The following ZSWIM5 variants were observed in gnomAD, a reference collection of about 807,000 sequenced individuals.
ZSWIM5 encodes the protein zinc finger SWIM-type containing 5, also known as zinc finger SWIM domain-containing protein 5.
A neutral mutation model predicts 119.6 loss-of-function variants in ZSWIM5; 55 were observed. The observed-to-expected ratio is 0.46, with a 90% CI of 0.37 to 0.58. ZSWIM5 has a LOEUF of 0.58. ZSWIM5 is among the 20% of genes least tolerant of loss of function. The pLI is 0.00. For synonymous variants in ZSWIM5, 537 were observed against 606.9 expected (o/e 0.88, Z 1.69); for missense variants, 1,193 against 1,512.8 (o/e 0.79, Z 3.51).
intron 1 of ZSWIM5, among the ~76,000 whole-genome samples, chr1:45,179,035 T>A (rs1645998483): frequency 6.6e-6 from 1 of 151,832 alleles, no homozygotes; most frequent in South Asian, 2.1e-4. Context: ...AATTAAAAAA[T>A]GAAATAAAGG....
chr1:45,088,019 G>C lies in ZSWIM5; in HGVS notation c.814C>G (p.Leu272Val). The change falls in exon 2 of 14, where the codon CTT (leucine) becomes GTT (valine). Residue 272 changes from leucine (L) to valine (V), a missense_variant. Physicochemically the swap from Leu to Val is conservative, Grantham distance 32 (BLOSUM62 1). Coordinates refer to ENST00000359600, the MANE Select transcript of ZSWIM5 (RefSeq NM_020883.2). This position sits in a 1 kb window ranked among gnomAD's most constrained non-coding sequence, Gnocchi z 4.2. ...AGCTGGTCCCTATTCATCTGGAAAA[G>C]GGTTTCGGAGATAGGAAGACGCAAT... ...VKLRLPISETLFQMNRDQLQK... is the reference protein window; with the variant it reads ...VKLRLPISETVFQMNRDQLQK... The C allele has an allele frequency of 1.2e-6, 2 of 1,614,192 alleles. No homozygotes were observed. Among genetic ancestry groups the C allele is most frequent in the Non-Finnish European group, 1.7e-6 (2 of 1,180,032 alleles).
rs183050013 is a variant in ZSWIM5 at position 45,174,329 on chromosome 1, A to G, written c.595+31427T>C. On this transcript the variant is annotated intron_variant, in intron 1 of 13. Coordinates refer to ENST00000359600, the MANE Select transcript of ZSWIM5 (RefSeq NM_020883.2). Reference sequence around the variant, plus strand: ...TAAAACATTCAAAAGTGATCTTTTAATAAAAATAATTGGAGATTTTTAATG... The same window carrying G: ...TAAAACATTCAAAAGTGATCTTTTAGTAAAAATAATTGGAGATTTTTAATG... Among the ~76,000 whole-genome samples the G allele has an allele frequency of 3.0e-3, 463 of 152,208 alleles. 3 individuals are homozygous for G. The highest frequency in any genetic ancestry group is 0.011 in the African/African-American group (442 of 41,542).
In ZSWIM5 at chr1:45,043,218, C is replaced by A; in HGVS notation, c.1609+1G>T. ...AGTTCTTAGAGGAGGGCTAGACTTA[C>A]CAAGCCACAGTGGCTGGCCTTGGGA... On this transcript the variant is annotated splice_donor_variant, in intron 6 of 13. Coordinates refer to ENST00000359600, the MANE Select transcript of ZSWIM5 (RefSeq NM_020883.2). LOFTEE classifies it high-confidence loss of function. 1 of 1,613,128 alleles carries A rather than the reference C, an allele frequency of 6.2e-7. No individual in the cohort carries two copies. The highest frequency in any genetic ancestry group is 8.5e-7 in the Non-Finnish European group (1 of 1,179,862).
chr1:45,138,898 T>C (rs1280826230), intron 1 of ZSWIM5, among the ~76,000 whole-genome samples: 4 of 150,938 alleles, frequency 2.7e-5, no homozygotes, highest in African/African-American at 9.7e-5. Context: ...CTTTTTCTTT[T>C]TTTTTTTTTT....
At chr1:45,071,454 C>CTTTTTT (rs58028758) in intron 2 of ZSWIM5, among the ~76,000 whole-genome samples, 16,181 of 93,386 alleles carry the variant, frequency 0.17, 2,848 homozygotes, top group African/African-American at 0.29. Flanking sequence ...GACAGAATCT[C>CTTTTTT]TTTTTTTTTT....
intron 1 of ZSWIM5, among the ~76,000 whole-genome samples, chr1:45,139,776 T>G (rs528418204): frequency 6.8e-6 from 1 of 147,580 alleles, no homozygotes; most frequent in Admixed American, 6.9e-5. Flanking sequence ...TGAACTCAAG[T>G]GATCCTCCCA....
intron 2 of ZSWIM5, among the ~76,000 whole-genome samples, chr1:45,068,579 T>G (rs942324260): frequency 6.6e-6 from 1 of 152,094 alleles, no homozygotes; most frequent in Non-Finnish European, 1.5e-5. Flanking sequence ...CATGAAGGTG[T>G]TCTCTTATCT....
intron 3 of ZSWIM5, 45 bp downstream of exon 3, chr1:45,060,054 C>T (rs769505628): frequency 1.4e-5 from 22 of 1,608,532 alleles, no homozygotes; most frequent in Non-Finnish European, 1.9e-5. Context: ...CTGACTTAAG[C>T]TTCTTTTGTC....
intron 11 of ZSWIM5, among the ~76,000 whole-genome samples, chr1:45,028,603 A>C (rs1644933757): frequency 6.6e-6 from 1 of 151,884 alleles, no homozygotes; most frequent in East Asian, 1.9e-4. Flanking sequence ...TAAAAATACA[A>C]AAATTAGCTG....
chr1:45,111,037 T>A (rs959741490), intron 1 of ZSWIM5, among the ~76,000 whole-genome samples: 4 of 152,170 alleles, frequency 2.6e-5, no homozygotes, highest in Non-Finnish European at 5.9e-5. Flanking sequence ...TGTTGTCTAG[T>A]GGGAGAGACA....
rs368950305 is a variant in ZSWIM5 at position 45,041,606 on chromosome 1, C to T, written c.1610-1068G>A. ...GACTGGAGTACAGTGGTGTGATCTCCGCTCACTGCAACCTCCGCCTCCCAG... is the reference window on the plus strand; with the variant it reads ...GACTGGAGTACAGTGGTGTGATCTCTGCTCACTGCAACCTCCGCCTCCCAG... On this transcript the variant is annotated intron_variant, in intron 6 of 13. Coordinates refer to ENST00000359600, the MANE Select transcript of ZSWIM5 (RefSeq NM_020883.2). Among the ~76,000 whole-genome samples, 7 of 149,384 alleles carry T rather than the reference C, an allele frequency of 4.7e-5. No homozygotes were observed. The South Asian group carries it at 1.1e-3, about 22-fold the overall frequency.
At chr1:45,113,314 TAAAGG>T (rs1645529134) in intron 1 of ZSWIM5, among the ~76,000 whole-genome samples, 1 of 152,138 alleles carries the variant, frequency 6.6e-6, no homozygotes, top group South Asian at 2.1e-4. Flanking sequence ...GATGAGATTA[TAAAGG>T]AAACAGGTAA....
intron 1 of ZSWIM5, among the ~76,000 whole-genome samples, chr1:45,089,892 T>A (rs1645354405): frequency 1.3e-5 from 2 of 152,234 alleles, no homozygotes; most frequent in South Asian, 4.1e-4. Flanking sequence ...TACAATATGA[T>A]GTGCCAAATG....
At chr1:45,055,427 T>A (rs1359179301) in intron 4 of ZSWIM5, among the ~76,000 whole-genome samples, 2 of 152,100 alleles carry the variant, frequency 1.3e-5, no homozygotes, top group African/African-American at 4.8e-5. Context: ...TGCCTGGCCA[T>A]TGAGCAACAA....
intron 1 of ZSWIM5, among the ~76,000 whole-genome samples, chr1:45,146,720 T>C (rs1192460464): frequency 1.3e-5 from 2 of 150,980 alleles, no homozygotes; most frequent in Admixed American, 6.6e-5. Context: ...CCAGACTTTA[T>C]AGACTACACA....
intron 2 of ZSWIM5, among the ~76,000 whole-genome samples, chr1:45,066,564 A>G (rs1291314692): frequency 1.3e-5 from 2 of 152,260 alleles, no homozygotes; most frequent in Non-Finnish European, 2.9e-5. Flanking sequence ...ACATTATGTC[A>G]TAAATTGGTA....
intron 11 of ZSWIM5, among the ~76,000 whole-genome samples, chr1:45,027,543 C>A (rs1294585470): frequency 6.6e-6 from 1 of 150,728 alleles, no homozygotes; most frequent in Non-Finnish European, 1.5e-5. Context: ...ATTACAGGCG[C>A]CTGCCACCAT....
chr1:45,054,563 C>T (rs1008229637), intron 4 of ZSWIM5, among the ~76,000 whole-genome samples: 2 of 152,040 alleles, frequency 1.3e-5, no homozygotes, highest in Non-Finnish European at 2.9e-5. Flanking sequence ...GACTGGGCAA[C>T]AGAGTGAGAC....
At chr1:45,195,986 G>A (rs1646119731) in intron 1 of ZSWIM5, among the ~76,000 whole-genome samples, 1 of 146,384 alleles carries the variant, frequency 6.8e-6, no homozygotes, top group African/African-American at 2.5e-5. Context: ...TCCCACCTCA[G>A]CCTCCCAAGT....
Sources: gnomAD v4.1 joint callset for allele counts (sites outside exome capture counted in the v4.1 genomes callset) on GRCh38, gnomAD v4.1.1 for gene constraint, Gnocchi (gnomAD v3.1) non-coding constraint, MANE v1.5 for transcripts, NCBI Gene and HGNC (gene_info 2026-07-23, HGNC 2026-07-21) for gene names.